ST6GAL1: variants seen among roughly 807,000 people sequenced by gnomAD.
ST6GAL1 encodes beta-galactoside alpha-2,6-sialyltransferase 1.
Under a neutral mutation model 38.0 loss-of-function variants are expected in ST6GAL1, and 20 were observed. The observed-to-expected ratio is 0.53, with a 90% CI of 0.37 to 0.77. The LOEUF is 0.77. Ranked by LOEUF, ST6GAL1 falls within the 30% of genes least tolerant of loss-of-function variation. The probability of loss-of-function intolerance (pLI) is 0.00; values close to 1 mark genes in which losing one functional copy is unlikely to be tolerated. For missense variants in ST6GAL1, 432 were observed against 496.4 expected (o/e 0.87, Z 1.23); for synonymous variants, 196 against 188.2 (o/e 1.04, Z -0.34).
At chr3:186,994,409 TG>T (rs1355029533) in intron 2 of ST6GAL1, among the ~76,000 whole-genome samples, 1 of 152,208 alleles carries the variant, frequency 6.6e-6, no homozygotes, top group Non-Finnish European at 1.5e-5. Context: ...CTTTCAGGGC[TG>T]GAGTCTAACA....
At chr3:187,066,326 C>G (rs1302543334) in intron 5 of ST6GAL1, among the ~76,000 whole-genome samples, 2 of 152,266 alleles carry the variant, frequency 1.3e-5, no homozygotes, top group African/African-American at 4.8e-5. Context: ...GGCTTTTCCT[C>G]TGTGCGTGGT....
intron 1 of ST6GAL1, among the ~76,000 whole-genome samples, chr3:186,946,103 C>T (rs573522314): frequency 6.6e-6 from 1 of 151,682 alleles, no homozygotes; most frequent in South Asian, 2.1e-4. Flanking sequence ...GTCAGGAGTT[C>T]GAGCCCAGCC....
At chr3:187,061,777 A>G (rs1399029552) in intron 5 of ST6GAL1, among the ~76,000 whole-genome samples, 1 of 152,220 alleles carries the variant, frequency 6.6e-6, no homozygotes, top group Non-Finnish European at 1.5e-5. Flanking sequence ...AGAAGACAAC[A>G]TAGGGCAAAA....
chr3:187,051,627 G>C (rs1718518811), intron 5 of ST6GAL1: 2 of 375,280 alleles, frequency 5.3e-6, no homozygotes, highest in Non-Finnish European at 1.0e-5. Flanking sequence ...GGTCATACCT[G>C]GAGGTTTACA....
At chr3:186,980,157 C>T (rs895508530) in intron 2 of ST6GAL1, among the ~76,000 whole-genome samples, 4 of 152,160 alleles carry the variant, frequency 2.6e-5, no homozygotes, top group African/African-American at 9.7e-5. Flanking sequence ...CTACAATTTG[C>T]CTGATCCTAA....
At chr3:186,931,416 A>G (rs139079705) in intron 1 of ST6GAL1, 2,406 of 152,438 alleles carry the variant, frequency 0.016, 27 homozygotes, top group Non-Finnish European at 0.023. Flanking sequence ...GCATCAGACT[A>G]AACTGCCAGA....
intron 1 of ST6GAL1, among the ~76,000 whole-genome samples, chr3:186,941,065 T>C (rs993387934): frequency 6.6e-6 from 1 of 152,098 alleles, no homozygotes; most frequent in African/African-American, 2.4e-5. Context: ...CAAGAGGCTG[T>C]TTGCATGGAA....
At chr3:186,975,970 C>T (rs1715507314) in intron 2 of ST6GAL1, among the ~76,000 whole-genome samples, 1 of 152,212 alleles carries the variant, frequency 6.6e-6, no homozygotes, top group African/African-American at 2.4e-5. Flanking sequence ...GCCTCCCAGC[C>T]TCCCATAGGA....
intron 2 of ST6GAL1, among the ~76,000 whole-genome samples, chr3:186,974,163 G>C (rs1715444001): frequency 6.6e-6 from 1 of 152,126 alleles, no homozygotes; most frequent in Non-Finnish European, 1.5e-5. Context: ...AGATTCAGTA[G>C]GATCAGTCCA....
intron 2 of ST6GAL1, 78 bp from the exon 3 acceptor site, chr3:187,038,661 CTTG>C (rs1718024177): frequency 6.6e-6 from 1 of 152,236 alleles, no homozygotes; most frequent in East Asian, 1.9e-4. Flanking sequence ...ACCTTTCCAT[CTTG>C]TTAATGTTTA....
chr3:187,062,778 C>CT (rs966188181), intron 5 of ST6GAL1, among the ~76,000 whole-genome samples: 73 of 152,158 alleles, frequency 4.8e-4, no homozygotes, highest in African/African-American at 1.5e-3. Flanking sequence ...GAACTGTACA[C>CT]TTAAAAATGG....
intron 2 of ST6GAL1, among the ~76,000 whole-genome samples, chr3:187,011,970 A>C (rs138558845): frequency 1.4e-4 from 21 of 152,320 alleles, no homozygotes; most frequent in Middle Eastern, 3.4e-3. Flanking sequence ...TCTCTGGAGC[A>C]GGATTCAGAC....
chr3:187,064,374 C>G (rs1185744944), intron 5 of ST6GAL1: 3 of 383,512 alleles, frequency 7.8e-6, no homozygotes, highest in Non-Finnish European at 1.6e-5. Flanking sequence ...GCATCCTGCC[C>G]AGTAGGCACA....
At chr3:187,007,007 G>GA (rs1214801511) in intron 2 of ST6GAL1, among the ~76,000 whole-genome samples, 1 of 152,214 alleles carries the variant, frequency 6.6e-6, no homozygotes, top group Non-Finnish European at 1.5e-5. Context: ...GTACAGCCAA[G>GA]ATGAAATAAT....
chr3:187,058,367 T>C (rs1385875134), intron 5 of ST6GAL1, among the ~76,000 whole-genome samples: 1 of 152,112 alleles, frequency 6.6e-6, no homozygotes, highest in East Asian at 1.9e-4. Flanking sequence ...AAATCACCCG[T>C]CTTGTTTGTC....
At position 187,051,327 on chromosome 3, in the gene ST6GAL1, T is replaced by A. The variant is rs368367142; in HGVS notation, c.686T>A (p.Ile229Asn). 2 of 1,613,998 alleles carry A rather than the reference T, an allele frequency of 1.2e-6. No individual in the cohort carries two copies. The change falls in exon 5 of 8, where the codon ATT (isoleucine) becomes AAT (asparagine). Residue 229 changes from isoleucine to asparagine, a missense_variant. By Grantham distance (149) the Ile-to-Asn change is moderately radical. Coordinates refer to ENST00000169298, the MANE Select transcript of ST6GAL1 (RefSeq NM_173216.2). Reference protein sequence around the residue: ...FQQDVGTKTTIRLMNSQLVTT... With the variant: ...FQQDVGTKTTNRLMNSQLVTT... ...CAAGATGTGGGCACAAAAACTACCA[T>A]TCGCCTGATGAACTCTCAGGTAAAA...
intron 2 of ST6GAL1, among the ~76,000 whole-genome samples, chr3:186,993,307 C>G (rs975990424): frequency 2.0e-5 from 3 of 152,180 alleles, no homozygotes; most frequent in African/African-American, 7.2e-5. Flanking sequence ...TCTTAAGTGG[C>G]CAGAATGACC....
chr3:187,040,767 C>G (rs1385738082), intron 3 of ST6GAL1, among the ~76,000 whole-genome samples: 1 of 152,202 alleles, frequency 6.6e-6, no homozygotes, highest in African/African-American at 2.4e-5. Context: ...AGCTTCCACC[C>G]TTCACTTCAT....
In ST6GAL1 at chr3:187,074,168, A is replaced by C. The variant is rs997278239; in HGVS notation, c.814A>C (p.Asn272His). The C allele has an allele frequency of 1.9e-6, 3 of 1,605,566 alleles. No homozygotes were observed. Among genetic ancestry groups the C allele is most frequent in the African/African-American group, 2.7e-5 (2 of 74,556 alleles). Residue 272 changes from asparagine to histidine, a missense_variant, in exon 7 of 8, where the codon AAT becomes CAT. Coordinates refer to ENST00000169298, the MANE Select transcript of ST6GAL1 (RefSeq NM_173216.2). ...YHSDIPKWYQ[N>H]PDYNFFNNYK... ...CTTCTTTCTTTTTCAGTGGTACCAG[A>C]ATCCGGATTATAATTTCTTTAACAA...
Sources: allele counts gnomAD v4.1 joint callset (sites outside exome capture counted in the v4.1 genomes callset), GRCh38; gene constraint gnomAD v4.1.1; transcripts MANE v1.5; gene names NCBI Gene and HGNC (gene_info 2026-07-23, HGNC 2026-07-21).